Variants in SLC9A2 observed in about 807,000 individuals in gnomAD.
SLC9A2 encodes the protein solute carrier family 9 member A2.
SLC9A2 carries 42 observed loss-of-function variants against 71.7 expected under a neutral mutation model. That is an observed-to-expected ratio of 0.59 (90% CI 0.46 to 0.76). SLC9A2 has a LOEUF of 0.76. Ranked by LOEUF, SLC9A2 falls within the 30% of genes least tolerant of loss-of-function variation. The probability of loss-of-function intolerance (pLI) is 0.00; values close to 1 mark genes in which losing one functional copy is unlikely to be tolerated. For synonymous variants in SLC9A2, 396 were observed against 392.5 expected, an observed-to-expected ratio of 1.01 and a Z score of -0.10; for missense variants, 829 against 1,017.4, an observed-to-expected ratio of 0.81 and a Z score of 2.52.
intron 7 of SLC9A2, among the ~76,000 whole-genome samples, chr2:102,695,874 T>G (rs1307436108): frequency 1.4e-5 from 2 of 146,388 alleles, no homozygotes; most frequent in African/African-American, 5.0e-5. Context: ...TAAATGCACA[T>G]ACCTACAGGC....
At chr2:102,704,807 T>C in intron 10 of SLC9A2, 132 bp downstream of exon 10, 1 of 977,754 alleles carries the variant, frequency 1.0e-6, no homozygotes, top group Non-Finnish European at 1.5e-6. Context: ...GCAGGAAGGC[T>C]GGGGTGGCCG....
chr2:102,710,889 G>C lies in SLC9A2; in HGVS notation c.*2400G>C, dbSNP rs1405614362. 6.6e-6 allele frequency: 1 copy of C among 152,316 alleles called. No homozygotes were observed. The highest frequency in any genetic ancestry group is 2.4e-5 in the African/African-American group (1 of 41,440). 9.4% of individuals were successfully genotyped at this position (152,316 alleles called of 1,614,324 possible). A position where few individuals can be genotyped will look rare whatever the true frequency, so the allele number is the denominator to read the frequency against. ...CTTTGATAGGTCTTTGGTGTTGGTTGTAACAAAATTTGATTTGAACTACCT... is the reference window on the plus strand; with the variant it reads ...CTTTGATAGGTCTTTGGTGTTGGTTCTAACAAAATTTGATTTGAACTACCT... On this transcript the variant is annotated 3_prime_UTR_variant, in exon 12 of 12. Transcript: ENST00000233969.
At chr2:102,628,873 A>T (rs942363378) in intron 1 of SLC9A2, among the ~76,000 whole-genome samples, 2 of 152,058 alleles carry the variant, frequency 1.3e-5, no homozygotes, top group East Asian at 3.8e-4. Context: ...TGACATTTTA[A>T]TGCATTTTGG....
At chr2:102,657,086 T>C (rs1676955930) in intron 1 of SLC9A2, among the ~76,000 whole-genome samples, 1 of 151,804 alleles carries the variant, frequency 6.6e-6, no homozygotes, top group Non-Finnish European at 1.5e-5. Context: ...GTGCCTATAA[T>C]CCCAGCTATT....
At chr2:102,667,861 G>A (rs1015646540) in intron 3 of SLC9A2, among the ~76,000 whole-genome samples, 2 of 152,018 alleles carry the variant, frequency 1.3e-5, no homozygotes, top group Non-Finnish European at 2.9e-5. Flanking sequence ...ATCGAGGTCA[G>A]GAGTTCAAGA....
intron 1 of SLC9A2, among the ~76,000 whole-genome samples, chr2:102,651,938 TTG>T (rs1676843181): frequency 3.9e-5 from 1 of 25,460 alleles, no homozygotes; most frequent in African/African-American, 1.8e-4. Context: ...AGGGTTTTTG[TTG>T]TTGTTGTTGT....
intron 1 of SLC9A2, among the ~76,000 whole-genome samples, chr2:102,650,220 C>A (rs138101129): frequency 7.2e-5 from 11 of 152,240 alleles, no homozygotes; most frequent in African/African-American, 2.4e-4. Context: ...AACACAGGAA[C>A]AGAAAACCAA....
intron 1 of SLC9A2, among the ~76,000 whole-genome samples, chr2:102,641,271 G>A (rs969741051): frequency 2.0e-5 from 3 of 152,212 alleles, no homozygotes; most frequent in African/African-American, 7.2e-5. Flanking sequence ...CTGCCCAAAC[G>A]CTCTGTAAAC....
chr2:102,710,363 G>T lies in SLC9A2; in HGVS notation c.*1874G>T, dbSNP rs552306051. 1 of 152,394 alleles carries T rather than the reference G, an allele frequency of 6.6e-6. No homozygotes were observed. The highest frequency in any genetic ancestry group is 2.1e-4 in the South Asian group (1 of 4,826). 9.4% of individuals were successfully genotyped at this position (152,394 alleles called of 1,614,324 possible). A position where few individuals can be genotyped will look rare whatever the true frequency, so the allele number is the denominator to read the frequency against. On this transcript the variant is annotated 3_prime_UTR_variant, in exon 12 of 12. Transcript: ENST00000233969. ...TCAGGTTTCAGAAAAGCTACAGTAT[G>T]AAATCTGAAAAGCAACAGAAATTGA...
chr2:102,627,028 G>C (rs540588516), intron 1 of SLC9A2, among the ~76,000 whole-genome samples: 2 of 152,256 alleles, frequency 1.3e-5, no homozygotes, highest in East Asian at 3.9e-4. Flanking sequence ...GCTCACAACT[G>C]TGATGTCAGC....
intron 1 of SLC9A2, among the ~76,000 whole-genome samples, chr2:102,641,350 A>G (rs1676577244): frequency 1.3e-5 from 2 of 151,950 alleles, no homozygotes; most frequent in Non-Finnish European, 2.9e-5. Context: ...CCATGGCCTT[A>G]TGGTAAATCC....
chr2:102,622,533 A>G (rs905134919), intron 1 of SLC9A2, among the ~76,000 whole-genome samples: 11 of 152,184 alleles, frequency 7.2e-5, no homozygotes, highest in Non-Finnish European at 1.5e-4. Context: ...CATGCCGGGT[A>G]GGTGTTGTTT....
intron 1 of SLC9A2, among the ~76,000 whole-genome samples, chr2:102,645,483 G>T (rs2104511049): frequency 6.6e-6 from 1 of 152,130 alleles, no homozygotes; most frequent in East Asian, 1.9e-4. Context: ...GCTTCAGAAG[G>T]TAGGTAATAA....
chr2:102,633,929 GCAAA>G, intron 1 of SLC9A2, among the ~76,000 whole-genome samples: 1 of 152,198 alleles, frequency 6.6e-6, no homozygotes, highest in Non-Finnish European at 1.5e-5. Flanking sequence ...TATTACACAT[GCAAA>G]CAGGCACATA....
In SLC9A2 at chr2:102,711,211, GTTT is replaced by G. The variant is rs930806174; in HGVS notation, c.*2725_*2727del. 7 of 152,204 alleles carry G rather than the reference GTTT, an allele frequency of 4.6e-5. No individual in the cohort carries two copies. The highest frequency in any genetic ancestry group is 3.3e-4 in the Admixed American group (5 of 15,272). 9.4% of individuals were successfully genotyped at this position (152,204 alleles called of 1,614,324 possible). On this transcript the variant is annotated 3_prime_UTR_variant, in exon 12 of 12. Transcript: ENST00000233969. ...TTGCATTTATTGTACTGCCCAAATT[GTTT>G]TTATGTTAAAAGTCACGTTTCATAA...
intron 1 of SLC9A2, among the ~76,000 whole-genome samples, chr2:102,640,089 G>A (rs778662495): frequency 3.0e-4 from 45 of 152,178 alleles, no homozygotes; most frequent in Non-Finnish European, 6.5e-4. Flanking sequence ...GTTAAAACAT[G>A]CACATCTGCT....
chr2:102,623,998 C>T (rs1016324041), intron 1 of SLC9A2, among the ~76,000 whole-genome samples: 6 of 152,116 alleles, frequency 3.9e-5, no homozygotes, highest in Admixed American at 3.9e-4. Context: ...TTTGGCAAAG[C>T]ATTGAATGAT....
chr2:102,665,496 C>T (rs950685099), intron 3 of SLC9A2, 146 bp downstream of exon 3: 56 of 905,406 alleles, frequency 6.2e-5, no homozygotes, highest in East Asian at 2.7e-4. Flanking sequence ...ATTTTTCGGA[C>T]GGGCACAGTG....
At chr2:102,634,966 G>A (rs1411557812) in intron 1 of SLC9A2, among the ~76,000 whole-genome samples, 1 of 152,102 alleles carries the variant, frequency 6.6e-6, no homozygotes, top group Non-Finnish European at 1.5e-5. Flanking sequence ...TGTGTTATCA[G>A]GGTCCACAGA....
Sources: gnomAD v4.1 joint callset for allele counts (sites outside exome capture counted in the v4.1 genomes callset) on GRCh38, gnomAD v4.1.1 for gene constraint, MANE v1.5 for transcripts, NCBI Gene and HGNC (gene_info 2026-07-23, HGNC 2026-07-21) for gene names.